GALR1: variants seen among roughly 807,000 people sequenced by gnomAD.
GALR1 encodes the protein galanin receptor 1.
GALR1 carries 11 observed loss-of-function variants against 17.9 expected under a neutral mutation model. That is an observed-to-expected ratio of 0.62 (90% confidence interval 0.39 to 1.02). GALR1 has a LOEUF of 1.02. Ranked by LOEUF, GALR1 falls within the 50% of genes least tolerant of loss-of-function variation. The pLI, the probability that GALR1 is intolerant of heterozygous loss-of-function variation, is 0.01. For synonymous variants in GALR1, 206 were observed against 205.7 expected (o/e 1.00, Z -0.01); for missense variants, 441 against 456.9 (o/e 0.97, Z 0.32).
intron 2 of GALR1, among the ~76,000 whole-genome samples, chr18:77,259,299 GTGATGATGGTGGTGA>G (rs1568142195): frequency 1.7e-5 from 1 of 57,696 alleles, no homozygotes; most frequent in Admixed American, 1.9e-4. Context: ...GGTCATGGTG[GTGATGATGGTGGTGA>G]TGATGGTGGT....
Position 77,272,958 on chromosome 18 carries a change from A to G in GALR1, c.*4056A>G, listed in dbSNP as rs183448727. ...CATCTTTGATGGGGGCTGTATTTGCATTAGGCAGAGGTGTCTAAGGAGAGT... is the reference window on the plus strand; with the variant it reads ...CATCTTTGATGGGGGCTGTATTTGCGTTAGGCAGAGGTGTCTAAGGAGAGT... On this transcript the variant is annotated 3_prime_UTR_variant, in exon 3 of 3. Coordinates refer to ENST00000299727, the MANE Select transcript of GALR1 (RefSeq NM_001480.4). The G allele has an allele frequency of 6.6e-6, 1 of 152,242 alleles. No homozygotes were observed. The highest frequency in any genetic ancestry group is 2.1e-4 in the South Asian group (1 of 4,836). 9.4% of individuals were successfully genotyped at this position (152,242 alleles called of 1,614,324 possible). A position where few individuals can be genotyped will look rare whatever the true frequency, so the allele number is the denominator to read the frequency against.
chr18:77,254,948 G>T (rs1023860083), intron 1 of GALR1, among the ~76,000 whole-genome samples: 25 of 152,302 alleles, frequency 1.6e-4, no homozygotes, highest in Middle Eastern at 3.4e-3. Flanking sequence ...TTGTTCACCT[G>T]CATAGGGCCT....
At chr18:77,266,774 C>A (rs1378047549) in intron 2 of GALR1, among the ~76,000 whole-genome samples, 1 of 152,190 alleles carries the variant, frequency 6.6e-6, no homozygotes, top group Non-Finnish European at 1.5e-5. Context: ...CTCCTGAGAA[C>A]TCACTGTCAC....
intron 2 of GALR1, 81 bp from the exon 3 acceptor site, chr18:77,268,504 T>A: frequency 1.1e-6 from 1 of 915,456 alleles, no homozygotes; most frequent in South Asian, 1.6e-5. Flanking sequence ...TTTTGTGTTG[T>A]AATCAATGAA....
In GALR1 at chr18:77,250,294, A is replaced by G. The variant is rs763478271; in HGVS notation, c.-255A>G. ...AGGGGACCCCAGTGCTCTCGAGATC[A>G]CCGTCCCTTCCCGAGAAGGTCCAGC... is the stretch of plus-strand genomic sequence containing the variant. On this transcript the variant is annotated 5_prime_UTR_variant, in exon 1 of 3. Coordinates refer to ENST00000299727, the MANE Select transcript of GALR1 (RefSeq NM_001480.4). 1.3e-5 allele frequency among the ~76,000 whole-genome samples: 2 copies of G among 152,160 alleles called. No homozygotes were observed.
intron 2 of GALR1, among the ~76,000 whole-genome samples, chr18:77,256,849 C>G (rs1390924898): frequency 6.6e-6 from 1 of 152,148 alleles, no homozygotes; most frequent in Non-Finnish European, 1.5e-5. Flanking sequence ...CAGCATCTAA[C>G]TTATTGATGG....
chr18:77,256,853 T>C (rs1912603097), intron 2 of GALR1, among the ~76,000 whole-genome samples: 3 of 152,240 alleles, frequency 2.0e-5, no homozygotes, highest in South Asian at 4.1e-4. Context: ...ATCTAACTTA[T>C]TGATGGTCAT....
Position 77,270,593 on chromosome 18 carries a change from A to G in GALR1, c.*1691A>G, listed in dbSNP as rs536416864. The G allele has an allele frequency of 3.9e-5, 6 of 152,048 alleles. No homozygotes were observed. Among genetic ancestry groups the G allele is most frequent in the African/African-American group, 1.4e-4 (6 of 41,476 alleles). 9.4% of individuals were successfully genotyped at this position (152,048 alleles called of 1,614,324 possible). ...TACCTCTGTGCCAAATCAGCACTCC[A>G]CATGAAACATCAAATTTTAGATAAA... On this transcript the variant is annotated 3_prime_UTR_variant, in exon 3 of 3. Coordinates refer to ENST00000299727, the MANE Select transcript of GALR1 (RefSeq NM_001480.4).
Position 77,273,472 on chromosome 18 carries a change from C to T in GALR1, c.*4570C>T. The T allele has an allele frequency of 6.6e-6, 1 of 152,060 alleles. No individual in the cohort carries two copies. Among genetic ancestry groups the T allele is most frequent in the Non-Finnish European group, 1.5e-5 (1 of 68,072 alleles). The allele number at this position is 152,060 out of a possible 1,614,324, so 9.4% of individuals were successfully genotyped here. On this transcript the variant is annotated 3_prime_UTR_variant, in exon 3 of 3. Transcript: ENST00000299727. Reference sequence around the variant, plus strand: ...CCTGACCAACATGGAGAAAACCCGTCTCTACTAAAAATACAAAAATTAGCT... The same window carrying T: ...CCTGACCAACATGGAGAAAACCCGTTTCTACTAAAAATACAAAAATTAGCT...
At chr18:77,266,001 T>C (rs35683802) in intron 2 of GALR1, among the ~76,000 whole-genome samples, 13,135 of 152,298 alleles carry the variant, frequency 0.086, 645 homozygotes, top group African/African-American at 0.11. Flanking sequence ...CTTCTCATTA[T>C]TTATGCAAAT....
At chr18:77,264,014 A>T (rs1450775920) in intron 2 of GALR1, among the ~76,000 whole-genome samples, 3 of 151,928 alleles carry the variant, frequency 2.0e-5, no homozygotes, top group Non-Finnish European at 2.9e-5. Flanking sequence ...CACACCTGTA[A>T]TCCCAGCTAC....
intron 2 of GALR1, among the ~76,000 whole-genome samples, chr18:77,258,703 T>TA (rs1369335541): frequency 4.6e-4 from 4 of 8,606 alleles, no homozygotes; most frequent in Admixed American, 3.1e-3. Flanking sequence ...GTGGTGGTCA[T>TA]GTGATGGTGG....
chr18:77,262,454 C>T (rs921111449), intron 2 of GALR1, among the ~76,000 whole-genome samples: 13 of 152,176 alleles, frequency 8.5e-5, no homozygotes, highest in Non-Finnish European at 1.3e-4. Flanking sequence ...TACCAGCATC[C>T]GTTGCAAGGG....
chr18:77,259,773 G>A (rs1912787699), intron 2 of GALR1, among the ~76,000 whole-genome samples: 1 of 151,938 alleles, frequency 6.6e-6, no homozygotes, highest in African/African-American at 2.4e-5. Context: ...GCAGAGAAAG[G>A]GTAAGAAGAG....
At position 77,276,141 on chromosome 18, in the gene GALR1, G is replaced by A. The variant is rs578117539; in HGVS notation, c.*7239G>A. ...AAGAGTCACATTTTATTGCCATATA[G>A]CACAAAATTTGACAATGAGGTATAG... On this transcript the variant is annotated 3_prime_UTR_variant, in exon 3 of 3. Coordinates refer to ENST00000299727, the MANE Select transcript of GALR1 (RefSeq NM_001480.4). 6.6e-6 allele frequency: 1 copy of A among 152,196 alleles called. No individual in the cohort carries two copies. The highest frequency in any genetic ancestry group is 2.1e-4 in the South Asian group (1 of 4,822). The allele number at this position is 152,196 out of a possible 1,614,324, so 9.4% of individuals were successfully genotyped here. A position where few individuals can be genotyped will look rare whatever the true frequency, so the allele number is the denominator to read the frequency against.
chr18:77,264,673 C>A (rs1912908346), intron 2 of GALR1, among the ~76,000 whole-genome samples: 1 of 152,162 alleles, frequency 6.6e-6, no homozygotes, highest in Non-Finnish European at 1.5e-5. Flanking sequence ...GTTTAATTGA[C>A]TCACACTTCC....
Position 77,277,695 on chromosome 18 carries a change from C to T in GALR1, c.*8793C>T, listed in dbSNP as rs910637854. On this transcript the variant is annotated 3_prime_UTR_variant, in exon 3 of 3. Coordinates refer to ENST00000299727, the MANE Select transcript of GALR1 (RefSeq NM_001480.4). ...ATTATTCTCTAGAGAGCTGGCCATA[C>T]AATTTATCTCATTATTTATAGATCT... 1.4e-4 allele frequency: 21 copies of T among 152,336 alleles called. No homozygotes were observed. The highest frequency in any genetic ancestry group is 5.1e-4 in the African/African-American group (21 of 41,580). 9.4% of individuals were successfully genotyped at this position (152,336 alleles called of 1,614,324 possible).
chr18:77,259,906 A>C (rs1885559924), intron 2 of GALR1, among the ~76,000 whole-genome samples: 2 of 152,050 alleles, frequency 1.3e-5, no homozygotes, highest in African/African-American at 2.4e-5. Context: ...CCCTGAAGAC[A>C]GGAACTGGGT....
rs1381746236 is a variant in GALR1 at position 77,270,716 on chromosome 18, A to G, written c.*1814A>G. On this transcript the variant is annotated 3_prime_UTR_variant, in exon 3 of 3. Coordinates refer to ENST00000299727, the MANE Select transcript of GALR1 (RefSeq NM_001480.4). ...TCAGTGACTAGTGTTTACATTTGCA[A>G]TGTTATTAATAACTCTCTGGATAAA... 1 of 152,172 alleles carries G rather than the reference A, an allele frequency of 6.6e-6. No individual in the cohort carries two copies. Among genetic ancestry groups the G allele is most frequent in the African/African-American group, 2.4e-5 (1 of 41,438 alleles). The allele number at this position is 152,172 out of a possible 1,614,324, so 9.4% of individuals were successfully genotyped here.
Sources: allele counts gnomAD v4.1 joint callset (sites outside exome capture counted in the v4.1 genomes callset), GRCh38; gene constraint gnomAD v4.1.1; transcripts MANE v1.5; gene names NCBI Gene and HGNC (gene_info 2026-07-23, HGNC 2026-07-21).